Variants in SH3D19 observed in about 807,000 individuals in gnomAD.
The protein encoded by SH3D19 is SH3 domain-containing protein 19.
Under a neutral mutation model 112.1 loss-of-function variants are expected in SH3D19, and 58 were observed. The ratio of observed to expected loss-of-function variants is 0.52; its 90% CI spans 0.42 to 0.64. The LOEUF is 0.64. Among genes scored for constraint, SH3D19 ranks in the 30% least tolerant of loss-of-function variants. The pLI, the probability that SH3D19 is intolerant of heterozygous loss-of-function variation, is 0.00. For synonymous variants in SH3D19, 391 were observed against 448.5 expected, an observed-to-expected ratio of 0.87 and a Z score of 1.62; for missense variants, 1,090 against 1,263.4, an observed-to-expected ratio of 0.86 and a Z score of 2.08.
intron 3 of SH3D19, among the ~76,000 whole-genome samples, chr4:151,185,231 G>A (rs1297255764): frequency 6.6e-6 from 1 of 151,964 alleles, no homozygotes; most frequent in Non-Finnish European, 1.5e-5. Flanking sequence ...AAGTGCAGGA[G>A]CCCACAGATA....
intron 2 of SH3D19, among the ~76,000 whole-genome samples, chr4:151,201,203 T>C (rs963090791): frequency 3.9e-5 from 6 of 152,210 alleles, no homozygotes. Context: ...ATCAATCACT[T>C]TCTGGAAACA....
In SH3D19 at chr4:151,167,623, A is replaced by G. The variant is rs144273064; in HGVS notation, c.1535-1927T>C. On this transcript the variant is annotated intron_variant, in intron 7 of 19. Coordinates refer to ENST00000604030, the MANE Select transcript of SH3D19 (RefSeq NM_001378122.1). ...ATTCAATATTGACTGGGTGCCTGCT[A>G]TGCATTAAACACTATTTTACGGCTT... Among the ~76,000 whole-genome samples the G allele has an allele frequency of 2.5e-3, 376 of 152,326 alleles. 1 individual carries two copies. Among genetic ancestry groups the G allele is most frequent in the African/African-American group, 8.8e-3 (364 of 41,566 alleles).
intron 2 of SH3D19, among the ~76,000 whole-genome samples, chr4:151,209,969 G>A (rs1765699235): frequency 6.6e-6 from 1 of 152,100 alleles, no homozygotes; most frequent in Admixed American, 6.6e-5. Flanking sequence ...TATTCTTATT[G>A]GACACCTTCT....
intron 4 of SH3D19, among the ~76,000 whole-genome samples, chr4:151,179,138 T>A (rs1355308592): frequency 1.3e-5 from 2 of 152,192 alleles, no homozygotes; most frequent in African/African-American, 4.8e-5. Context: ...CTTCAATAAA[T>A]AACTATACTC....
chr4:151,182,540 C>T (rs1761122137), intron 3 of SH3D19, among the ~76,000 whole-genome samples: 3 of 152,188 alleles, frequency 2.0e-5, no homozygotes, highest in Non-Finnish European at 4.4e-5. Context: ...TGCAGTCGTA[C>T]GTACAGATGT....
At chr4:151,173,720 T>C (rs1474665770) in intron 7 of SH3D19, among the ~76,000 whole-genome samples, 1 of 150,588 alleles carries the variant, frequency 6.6e-6, no homozygotes, top group Non-Finnish European at 1.5e-5. Flanking sequence ...TTTGTTTTCA[T>C]TTTAAACACA....
chr4:151,302,460 G>A (rs1728521060), intron 1 of SH3D19, among the ~76,000 whole-genome samples: 1 of 152,130 alleles, frequency 6.6e-6, no homozygotes, highest in Non-Finnish European at 1.5e-5. Context: ...AAAAATAGTT[G>A]GCCCAAGTAT....
At chr4:151,319,112 G>A (rs1487714716) in intron 1 of SH3D19, among the ~76,000 whole-genome samples, 1 of 152,192 alleles carries the variant, frequency 6.6e-6, no homozygotes, top group Non-Finnish European at 1.5e-5. Context: ...GTGCAGTGGT[G>A]TGATCTCAGT....
intron 3 of SH3D19, among the ~76,000 whole-genome samples, chr4:151,179,630 A>T (rs1760514580): frequency 6.6e-6 from 1 of 152,228 alleles, no homozygotes; most frequent in African/African-American, 2.4e-5. Context: ...CTCCCCAAAG[A>T]ACATTCTGTA....
At chr4:151,234,049 A>C (rs1457332351) in intron 1 of SH3D19, among the ~76,000 whole-genome samples, 1 of 152,164 alleles carries the variant, frequency 6.6e-6, no homozygotes, top group Non-Finnish European at 1.5e-5. Flanking sequence ...AAGAATTCCC[A>C]TACTTTTTTT....
intron 1 of SH3D19, among the ~76,000 whole-genome samples, chr4:151,315,792 A>C (rs1447514515): frequency 6.6e-6 from 1 of 152,154 alleles, no homozygotes; most frequent in Non-Finnish European, 1.5e-5. Context: ...TTTCTACAAA[A>C]AAAAAGGTCT....
In SH3D19 at chr4:151,175,673, T is replaced by A; in HGVS notation, c.531A>T (p.Thr177=). The A allele has an allele frequency of 8.0e-7, 1 of 1,254,138 alleles. No individual in the cohort carries two copies. Among genetic ancestry groups the A allele is most frequent in the South Asian group, 3.7e-5 (1 of 26,796 alleles). The allele number at this position is 1,254,138 out of a possible 1,614,324, so 77.7% of individuals were successfully genotyped here. A position where few individuals can be genotyped will look rare whatever the true frequency, so the allele number is the denominator to read the frequency against. ...SEEIDNDLPQ[T]LQAPLKPLQP... is the part of the protein sequence containing the mutation. ...GAAGAGGCTTGAGAGGTGCCTGTAG[T>A]GCTGACGAGACCAAAACAAAACCAA... The change falls in exon 7 of 20, where the codon ACA becomes ACT. Residue 177 remains threonine, a splice_region_variant and synonymous_variant. Transcript: ENST00000604030.
chr4:151,148,771 G>A (rs1009935251), intron 10 of SH3D19, among the ~76,000 whole-genome samples: 1 of 152,192 alleles, frequency 6.6e-6, no homozygotes, highest in African/African-American at 2.4e-5. Context: ...TGGGAGTGGT[G>A]GCTCATGCCT....
intron 1 of SH3D19, among the ~76,000 whole-genome samples, chr4:151,292,859 C>T: frequency 6.6e-6 from 1 of 152,184 alleles, no homozygotes; most frequent in Non-Finnish European, 1.5e-5. Context: ...GTGGCTCACA[C>T]CTGTAATCCC....
At chr4:151,139,881 G>A (rs775630423) in intron 12 of SH3D19, 34 bp from the exon 13 acceptor site, 6 of 1,603,626 alleles carry the variant, frequency 3.7e-6, no homozygotes. Flanking sequence ...AATGAAGTGT[G>A]CAGGATAGAT....
intron 17 of SH3D19, among the ~76,000 whole-genome samples, chr4:151,130,515 C>T (rs1489118328): frequency 1.3e-5 from 2 of 152,280 alleles, no homozygotes; most frequent in South Asian, 2.1e-4. Flanking sequence ...GAAGGCACCA[C>T]ATTCCTAGTA....
chr4:151,300,489 AT>A (rs1366583406), intron 1 of SH3D19: 2 of 152,188 alleles, frequency 1.3e-5, no homozygotes, highest in Admixed American at 6.5e-5. Context: ...CTAAAAAAAA[AT>A]AAAGGGAATA....
intron 2 of SH3D19, among the ~76,000 whole-genome samples, chr4:151,216,424 G>C (rs1481340674): frequency 6.6e-6 from 1 of 152,178 alleles, no homozygotes; most frequent in African/African-American, 2.4e-5. Flanking sequence ...GGGCCACAAA[G>C]ATGTATACAA....
intron 2 of SH3D19, among the ~76,000 whole-genome samples, chr4:151,203,854 C>G (rs999264829): frequency 1.3e-5 from 2 of 152,058 alleles, no homozygotes; most frequent in Non-Finnish European, 2.9e-5. Flanking sequence ...TTTAGGGGAA[C>G]AGAATAAAAG....
Sources: allele counts gnomAD v4.1 joint callset (sites outside exome capture counted in the v4.1 genomes callset), GRCh38; gene constraint gnomAD v4.1.1; transcripts MANE v1.5; gene names NCBI Gene and HGNC (gene_info 2026-07-23, HGNC 2026-07-21).